Variants in UNC13C observed in about 807,000 individuals in gnomAD.
The protein encoded by UNC13C is unc-13 homolog C.
A neutral mutation model predicts 245.4 loss-of-function variants in UNC13C; 174 were observed. The ratio of observed to expected loss-of-function variants is 0.71; its 90% CI spans 0.63 to 0.80. The LOEUF (loss-of-function observed/expected upper bound fraction) is 0.80, where lower values mean the gene tolerates loss of function less well. Among genes scored for constraint, UNC13C ranks in the 30% least tolerant of loss-of-function variants. The pLI, the probability that UNC13C is intolerant of heterozygous loss-of-function variation, is 0.00. For synonymous variants in UNC13C, 992 were observed against 895.1 expected (o/e 1.11, Z -1.93); for missense variants, 2,829 against 2,602.9 (o/e 1.09, Z -1.89).
At chr15:54,233,595 AG>A (rs1388029120) in intron 4 of UNC13C, among the ~76,000 whole-genome samples, 1 of 152,146 alleles carries the variant, frequency 6.6e-6, no homozygotes, top group East Asian at 1.9e-4. Flanking sequence ...TGACACATTT[AG>A]TTACTTGTTA....
intron 8 of UNC13C, among the ~76,000 whole-genome samples, chr15:54,258,515 C>G (rs751446214): frequency 2.2e-4 from 33 of 152,142 alleles, no homozygotes; most frequent in South Asian, 2.1e-4. Flanking sequence ...AGATGTGCAC[C>G]ACCACATCCG....
At chr15:54,434,025 G>C (rs901189880) in intron 19 of UNC13C, among the ~76,000 whole-genome samples, 2 of 151,950 alleles carry the variant, frequency 1.3e-5, no homozygotes, top group Non-Finnish European at 1.5e-5. Context: ...CAACATACAA[G>C]GGACATGAAG....
At chr15:54,397,224 T>A (rs2040088779) in intron 18 of UNC13C, among the ~76,000 whole-genome samples, 1 of 151,530 alleles carries the variant, frequency 6.6e-6, no homozygotes, top group African/African-American at 2.4e-5. Flanking sequence ...CAAGTTTAAC[T>A]TTCTTTGGAT....
intron 30 of UNC13C, among the ~76,000 whole-genome samples, chr15:54,576,885 G>C (rs1404279255): frequency 6.6e-6 from 1 of 152,208 alleles, no homozygotes; most frequent in African/African-American, 2.4e-5. Context: ...TAGAGTACTG[G>C]ATGCAAAGCA....
At chr15:54,390,940 A>G (rs190174179) in intron 17 of UNC13C, among the ~76,000 whole-genome samples, 13 of 152,204 alleles carry the variant, frequency 8.5e-5, no homozygotes, top group Admixed American at 3.9e-4. Flanking sequence ...TAATGATTCA[A>G]CATCCAGTTT....
intron 10 of UNC13C, among the ~76,000 whole-genome samples, chr15:54,285,942 A>G (rs1366655831): frequency 6.6e-6 from 1 of 151,948 alleles, no homozygotes; most frequent in Non-Finnish European, 1.5e-5. Flanking sequence ...CAGTGGTGTT[A>G]TCTCAGTTCA....
intron 19 of UNC13C, among the ~76,000 whole-genome samples, chr15:54,450,130 A>G (rs1401080773): frequency 6.6e-6 from 1 of 152,130 alleles, no homozygotes; most frequent in African/African-American, 2.4e-5. Context: ...TTCCTCTGGA[A>G]GTTTCGTCTC....
chr15:54,054,803 T>C (rs1897433435), intron 2 of UNC13C, among the ~76,000 whole-genome samples: 1 of 148,782 alleles, frequency 6.7e-6, no homozygotes, highest in African/African-American at 2.4e-5. Context: ...ATTTATTTTT[T>C]GTTTTTATTT....
In UNC13C at chr15:54,015,441, C is replaced by T; in HGVS notation, c.2538C>T (p.Thr846=). 6.2e-7 allele frequency: 1 copy of T among 1,613,500 alleles called. No individual in the cohort carries two copies. The highest frequency in any genetic ancestry group is 1.1e-5 in the South Asian group (1 of 91,062). Residue 846 remains threonine, a synonymous_variant, in exon 2 of 33, where the codon ACC becomes ACT. Coordinates refer to ENST00000260323, the MANE Select transcript of UNC13C (RefSeq NM_001080534.3). The part of the protein sequence containing the change: ...LSQSTANESS[T]TLDSDVYTEP... ...AATCAACTGCAAATGAGTCAAGTAC[C>T]ACACTTGACTCTGATGTCTACACGG... is the stretch of plus-strand genomic sequence containing the variant.
intron 2 of UNC13C, among the ~76,000 whole-genome samples, chr15:54,103,188 ACACT>A (rs1900255057): frequency 6.6e-6 from 1 of 152,174 alleles, no homozygotes; most frequent in Non-Finnish European, 1.5e-5. Flanking sequence ...AAACACACAC[ACACT>A]CTCTCACAGT....
the UNC13C span, among the ~76,000 whole-genome samples, chr15:53,904,423 A>G: frequency 6.6e-6 from 1 of 152,198 alleles, no homozygotes; most frequent in Non-Finnish European, 1.5e-5. Context: ...ATTTCTATCT[A>G]TATGCACTGC....
intron 2 of UNC13C, among the ~76,000 whole-genome samples, chr15:54,046,198 A>G (rs1175530167): frequency 6.6e-6 from 1 of 152,158 alleles, no homozygotes; most frequent in East Asian, 1.9e-4. Flanking sequence ...GTGTCTAATA[A>G]CTTACCACAA....
chr15:54,547,067 A>T (rs982106780), intron 27 of UNC13C, among the ~76,000 whole-genome samples: 2 of 152,214 alleles, frequency 1.3e-5, no homozygotes, highest in Non-Finnish European at 2.9e-5. Flanking sequence ...GTCAGAACTT[A>T]ACCTCTTAAA....
chr15:54,496,663 A>G (rs1480742113), intron 20 of UNC13C, among the ~76,000 whole-genome samples: 1 of 152,146 alleles, frequency 6.6e-6, no homozygotes, highest in African/African-American at 2.4e-5. Context: ...AATGACATTC[A>G]CAGCAACCTG....
chr15:54,346,592 A>G (rs2140832068), intron 17 of UNC13C, among the ~76,000 whole-genome samples: 1 of 152,358 alleles, frequency 6.6e-6, no homozygotes, highest in East Asian at 1.9e-4. Flanking sequence ...TAAAAATAAA[A>G]TGCTTAGAAT....
the UNC13C span, among the ~76,000 whole-genome samples, chr15:53,925,844 G>A: frequency 6.6e-6 from 1 of 152,220 alleles, no homozygotes; most frequent in Non-Finnish European, 1.5e-5. Flanking sequence ...TGATCGCCAT[G>A]CCTGACCAGG....
intron 19 of UNC13C, among the ~76,000 whole-genome samples, chr15:54,434,714 A>G (rs1022618895): frequency 6.6e-6 from 1 of 152,210 alleles, no homozygotes; most frequent in African/African-American, 2.4e-5. Flanking sequence ...CAATGACAAC[A>G]AAAGCCAAAA....
chr15:54,553,883 A>T (rs1896979874), intron 28 of UNC13C, among the ~76,000 whole-genome samples: 1 of 151,944 alleles, frequency 6.6e-6, no homozygotes, highest in Admixed American at 6.6e-5. Context: ...ATTTTTAATT[A>T]CTTGTCTGAA....
chr15:54,456,920 A>G (rs1401642638), intron 19 of UNC13C, among the ~76,000 whole-genome samples: 3 of 152,098 alleles, frequency 2.0e-5, no homozygotes, highest in Non-Finnish European at 4.4e-5. Flanking sequence ...ACTATGTTGA[A>G]TAGAACTGGT....
Sources: allele counts gnomAD v4.1 joint callset (sites outside exome capture counted in the v4.1 genomes callset), GRCh38; gene constraint gnomAD v4.1.1; transcripts MANE v1.5; gene names NCBI Gene and HGNC (gene_info 2026-07-23, HGNC 2026-07-21).